The following CSMD1 variants were observed in gnomAD, a reference collection of about 807,000 sequenced individuals.
CSMD1 encodes CUB and Sushi multiple domains 1.
A neutral mutation model predicts 417.5 loss-of-function variants in CSMD1; 213 were observed. The observed-to-expected ratio is 0.51, with a 90% CI of 0.46 to 0.57. The LOEUF (loss-of-function observed/expected upper bound fraction) is 0.57. CSMD1 is among the 20% of genes least tolerant of loss of function. The pLI is 0.00. For missense variants in CSMD1, 6,923 were observed against 4,529.7 expected (o/e 1.53, Z -15.17); for synonymous variants, 2,862 against 1,736.8 (o/e 1.65, Z -16.11).
chr8:4,006,151 G>A (rs146219252), intron 4 of CSMD1, among the ~76,000 whole-genome samples: 63 of 152,294 alleles, frequency 4.1e-4, no homozygotes, highest in Middle Eastern at 3.4e-3. Context: ...GATGATTTAT[G>A]TACTGCAAAT....
intron 2 of CSMD1, among the ~76,000 whole-genome samples, chr8:4,505,187 C>A (rs1802455985): frequency 6.6e-6 from 1 of 152,276 alleles, no homozygotes; most frequent in South Asian, 2.1e-4. Context: ...GCATTGTTTC[C>A]TCTAGATTTA....
At chr8:3,304,133 T>A (rs920880435) in intron 25 of CSMD1, among the ~76,000 whole-genome samples, 7 of 152,114 alleles carry the variant, frequency 4.6e-5, no homozygotes, top group Non-Finnish European at 1.5e-5. Flanking sequence ...TCCTTGAGAG[T>A]GAAAAATATT....
intron 11 of CSMD1, among the ~76,000 whole-genome samples, chr8:3,493,365 A>G (rs1396017990): frequency 1.3e-5 from 2 of 151,794 alleles, no homozygotes; most frequent in African/African-American, 4.8e-5. Context: ...CTACCTCATG[A>G]GTATACTAAT....
intron 5 of CSMD1, among the ~76,000 whole-genome samples, chr8:3,864,709 C>T (rs1263461814): frequency 6.6e-6 from 1 of 152,004 alleles, no homozygotes; most frequent in Non-Finnish European, 1.5e-5. Context: ...GAGGTTGGAA[C>T]ATTATGGTAA....
chr8:4,155,800 G>C (rs964395906), intron 3 of CSMD1, among the ~76,000 whole-genome samples: 1 of 152,066 alleles, frequency 6.6e-6, no homozygotes, highest in Non-Finnish European at 1.5e-5. Context: ...AGCCACAAAG[G>C]GGAATACACA....
At chr8:3,271,288 A>G (rs1292769055) in intron 26 of CSMD1, among the ~76,000 whole-genome samples, 2 of 151,944 alleles carry the variant, frequency 1.3e-5, no homozygotes, top group Non-Finnish European at 1.5e-5. Context: ...ATAGTATTCC[A>G]TGGTGTATAT....
At chr8:4,561,345 G>T (rs1247425917) in intron 2 of CSMD1, among the ~76,000 whole-genome samples, 1 of 152,140 alleles carries the variant, frequency 6.6e-6, no homozygotes, top group African/African-American at 2.4e-5. Flanking sequence ...CTGCACTCCA[G>T]CCCGGTGACA....
At chr8:4,427,328 G>C (rs1297169956) in intron 2 of CSMD1, among the ~76,000 whole-genome samples, 2 of 152,138 alleles carry the variant, frequency 1.3e-5, no homozygotes, top group Non-Finnish European at 1.5e-5. Context: ...GATGCAGTGA[G>C]TTACATGTCA....
At chr8:4,371,442 A>G (rs1802390662) in intron 3 of CSMD1, among the ~76,000 whole-genome samples, 1 of 152,212 alleles carries the variant, frequency 6.6e-6, no homozygotes, top group African/African-American at 2.4e-5. Context: ...TAAGGAGGAA[A>G]TGGAGCAGAG....
At chr8:4,050,907 G>C (rs569948102) in intron 3 of CSMD1, among the ~76,000 whole-genome samples, 1 of 152,034 alleles carries the variant, frequency 6.6e-6, no homozygotes, top group African/African-American at 2.4e-5. Flanking sequence ...CTACCTTTAC[G>C]TGAGTCTTGA....
chr8:3,513,136 T>A (rs111675979), intron 10 of CSMD1, among the ~76,000 whole-genome samples: 2 of 151,942 alleles, frequency 1.3e-5, no homozygotes, highest in South Asian at 2.1e-4. Flanking sequence ...TATTTTTTTT[T>A]ATATGCCTTT....
In CSMD1 at chr8:4,344,072, C is replaced by G. The variant is rs150801190; in HGVS notation, c.415+75881G>C. 8.3e-3 allele frequency among the ~76,000 whole-genome samples: 1,260 copies of G among 152,242 alleles called. 17 individuals are homozygous for G. Among genetic ancestry groups the G allele is most frequent in the African/African-American group, 0.029 (1,189 of 41,580 alleles). Reference sequence around the variant, plus strand: ...GTATGTGCGTGTGCGCACACACATACTCTGGCTTAACACGGTATACCAGCA... The same window carrying G: ...GTATGTGCGTGTGCGCACACACATAGTCTGGCTTAACACGGTATACCAGCA... On this transcript the variant is annotated intron_variant, in intron 3 of 69. Transcript: ENST00000635120.
intron 57 of CSMD1, among the ~76,000 whole-genome samples, chr8:2,969,913 C>T (rs1247575471): frequency 1.3e-5 from 2 of 151,976 alleles, no homozygotes; most frequent in African/African-American, 4.8e-5. Context: ...CCATGATGTC[C>T]GTATCATATA....
At chr8:3,292,403 A>G (rs999537147) in intron 25 of CSMD1, among the ~76,000 whole-genome samples, 6 of 152,028 alleles carry the variant, frequency 3.9e-5, no homozygotes, top group Admixed American at 2.6e-4. Context: ...TGTCTCGTTG[A>G]TCTGTCTAAT....
chr8:3,333,556 A>G (rs868158259), intron 23 of CSMD1, among the ~76,000 whole-genome samples: 4 of 152,220 alleles, frequency 2.6e-5, no homozygotes, highest in Admixed American at 6.5e-5. Flanking sequence ...AACTACACAG[A>G]TACTGCAATG....
chr8:4,747,850 G>C (rs1417267079), intron 1 of CSMD1, among the ~76,000 whole-genome samples: 1 of 152,172 alleles, frequency 6.6e-6, no homozygotes, highest in Admixed American at 6.5e-5. Flanking sequence ...AACTGTTCAG[G>C]TCTCTTTTCT....
intron 25 of CSMD1, among the ~76,000 whole-genome samples, chr8:3,293,741 C>G (rs1441734984): frequency 6.6e-6 from 1 of 152,174 alleles, no homozygotes; most frequent in Non-Finnish European, 1.5e-5. Flanking sequence ...ATTTTTTTTA[C>G]AAGGTTTTTA....
chr8:3,502,222 G>A (rs143394092), intron 10 of CSMD1, among the ~76,000 whole-genome samples: 3,366 of 151,918 alleles, frequency 0.022, 139 homozygotes, highest in African/African-American at 0.077. Flanking sequence ...AAAATTAGCC[G>A]GGCATGGTGG....
In CSMD1 at chr8:3,091,593, C is replaced by A; in HGVS notation, c.7208G>T (p.Ser2403Ile). ...GNHTEQSNFT[S>I]RSNQLYLRWS... ...GCGGAGATATAACTGATTACTCCTG[C>A]TTGTAAAATTTGATTGTTCAGTATG... The change falls in exon 48 of 70, where the codon AGC (serine) becomes ATC (isoleucine). Residue 2403 changes from serine to isoleucine, a missense_variant. Transcript: ENST00000635120. The A allele has an allele frequency of 6.2e-7, 1 of 1,611,290 alleles. No individual in the cohort carries two copies. Among genetic ancestry groups the A allele is most frequent in the Non-Finnish European group, 8.5e-7 (1 of 1,179,278 alleles).
Sources: allele counts gnomAD v4.1 joint callset (sites outside exome capture counted in the v4.1 genomes callset), GRCh38; gene constraint gnomAD v4.1.1; transcripts MANE v1.5; gene names NCBI Gene and HGNC (gene_info 2026-07-23, HGNC 2026-07-21).